FSIP1: variants seen among roughly 807,000 people sequenced by gnomAD.
The protein encoded by FSIP1 is fibrous sheath interacting protein 1.
Under a neutral mutation model 60.9 loss-of-function variants are expected in FSIP1, and 65 were observed. That is an observed-to-expected ratio of 1.07 (90% CI 0.87 to 1.31). The LOEUF (loss-of-function observed/expected upper bound fraction) is 1.31. Among genes scored for constraint, FSIP1 ranks in the 40% most tolerant of loss-of-function variants. The pLI is 0.00. For synonymous variants in FSIP1, 209 were observed against 221.2 expected, an observed-to-expected ratio of 0.94 and a Z score of 0.49; for missense variants, 675 against 665.5, an observed-to-expected ratio of 1.01 and a Z score of -0.16.
intron 2 of FSIP1, among the ~76,000 whole-genome samples, chr15:39,774,115 A>AGGAG: frequency 6.6e-6 from 1 of 152,352 alleles, no homozygotes; most frequent in South Asian, 2.1e-4. Flanking sequence ...AATTCTCCCC[A>AGGAG]AATTAATCTG....
chr15:39,622,492 G>A (rs1207407701), intron 10 of FSIP1, among the ~76,000 whole-genome samples: 1 of 152,156 alleles, frequency 6.6e-6, no homozygotes, highest in Non-Finnish European at 1.5e-5. Flanking sequence ...TAGTTCTGCT[G>A]CATCTTGCAT....
intron 10 of FSIP1, among the ~76,000 whole-genome samples, chr15:39,658,384 G>A (rs1893157437): frequency 6.6e-6 from 1 of 151,536 alleles, no homozygotes; most frequent in African/African-American, 2.4e-5. Flanking sequence ...TGAGTAGCTG[G>A]GATTACAGGT....
chr15:39,659,530 A>G (rs1893207624), intron 10 of FSIP1, among the ~76,000 whole-genome samples: 1 of 150,482 alleles, frequency 6.6e-6, no homozygotes, highest in Non-Finnish European at 1.5e-5. Flanking sequence ...TGACAGAGCA[A>G]GACTCCTCCT....
chr15:39,653,174 T>TCA (rs1555390082), intron 10 of FSIP1, among the ~76,000 whole-genome samples: 2 of 41,674 alleles, frequency 4.8e-5, no homozygotes, highest in Non-Finnish European at 1.5e-4. Context: ...AGACTTTGTC[T>TCA]CAAAAAAAAA....
At chr15:39,630,514 G>C (rs1891837611) in intron 10 of FSIP1, among the ~76,000 whole-genome samples, 1 of 152,230 alleles carries the variant, frequency 6.6e-6, no homozygotes, top group African/African-American at 2.4e-5. Flanking sequence ...TCATTAGTCA[G>C]TTGCACTGGG....
intron 10 of FSIP1, among the ~76,000 whole-genome samples, chr15:39,664,210 A>T (rs1893409088): frequency 6.6e-6 from 1 of 152,200 alleles, no homozygotes; most frequent in Non-Finnish European, 1.5e-5. Context: ...CTACTTAGAA[A>T]AGCAACTAAT....
At chr15:39,644,474 A>C (rs1193467536) in intron 10 of FSIP1, among the ~76,000 whole-genome samples, 1 of 152,150 alleles carries the variant, frequency 6.6e-6, no homozygotes, top group Non-Finnish European at 1.5e-5. Context: ...CAGCCCATTT[A>C]TCAGTCAAAC....
At chr15:39,662,146 T>A (rs1893319934) in intron 10 of FSIP1, among the ~76,000 whole-genome samples, 1 of 152,046 alleles carries the variant, frequency 6.6e-6, no homozygotes, top group Admixed American at 6.5e-5. Flanking sequence ...TTTCTGGCTA[T>A]AGTTGGAGTG....
At chr15:39,645,828 G>A (rs1231369345) in intron 10 of FSIP1, among the ~76,000 whole-genome samples, 1 of 152,248 alleles carries the variant, frequency 6.6e-6, no homozygotes, top group Non-Finnish European at 1.5e-5. Flanking sequence ...TCGGAGCGGG[G>A]TTGGGGCCGA....
intron 10 of FSIP1, among the ~76,000 whole-genome samples, chr15:39,645,125 G>A (rs1892537311): frequency 1.3e-5 from 2 of 152,200 alleles, no homozygotes; most frequent in African/African-American, 4.8e-5. Flanking sequence ...TTATCAAAAA[G>A]ACGAGATAAC....
chr15:39,662,160 G>A (rs1165490337), intron 10 of FSIP1, among the ~76,000 whole-genome samples: 2 of 152,072 alleles, frequency 1.3e-5, no homozygotes, highest in African/African-American at 4.8e-5. Context: ...TGGAGTGGGG[G>A]AAAGGGCTGT....
At chr15:39,705,997 CAA>C (rs35710055) in intron 10 of FSIP1, among the ~76,000 whole-genome samples, 19,725 of 115,600 alleles carry the variant, frequency 0.17, 1,523 homozygotes, top group African/African-American at 0.25. Context: ...GACTCGGTCT[CAA>C]AAAAAAAAAA....
chr15:39,767,972 G>T (rs1595401756), intron 3 of FSIP1, among the ~76,000 whole-genome samples: 1 of 152,214 alleles, frequency 6.6e-6, no homozygotes, highest in East Asian at 1.9e-4. Context: ...TCATTGAGCT[G>T]ATTAACACAA....
In FSIP1 at chr15:39,694,304, T is replaced by C. The variant is rs186695456; in HGVS notation, c.1188+19140A>G. The stretch of plus-strand genomic sequence containing the variant: ...GAATTCCCTAACTCAGTATCAAGAA[T>C]ATAGAAATCAGAATATCAAAGTTTT... On this transcript the variant is annotated intron_variant, in intron 10 of 11. Coordinates refer to ENST00000350221, the MANE Select transcript of FSIP1 (RefSeq NM_152597.5). Among the ~76,000 whole-genome samples the C allele has an allele frequency of 3.5e-3, 536 of 152,214 alleles. 3 individuals are homozygous for C. The highest frequency in any genetic ancestry group is 0.012 in the African/African-American group (510 of 41,530).
intron 10 of FSIP1, among the ~76,000 whole-genome samples, chr15:39,631,988 T>C (rs1891911150): frequency 6.6e-6 from 1 of 152,198 alleles, no homozygotes; most frequent in Admixed American, 6.5e-5. Flanking sequence ...TAGCACAAGC[T>C]CTGGCCTCTG....
At chr15:39,709,427 C>T (rs905074362) in intron 10 of FSIP1, among the ~76,000 whole-genome samples, 2 of 152,186 alleles carry the variant, frequency 1.3e-5, no homozygotes, top group Non-Finnish European at 2.9e-5. Context: ...TGTTACTAAA[C>T]TTTCAAAAGT....
intron 8 of FSIP1, 36 bp from the exon 9 acceptor site, chr15:39,726,783 G>C (rs781302211): frequency 6.3e-7 from 1 of 1,597,628 alleles, no homozygotes; most frequent in Non-Finnish European, 8.5e-7. Flanking sequence ...TCATTCTCAG[G>C]CTATATTTTT....
rs139752170 is a variant in FSIP1 at position 39,637,521 on chromosome 15, C to A, written c.1189-19276G>T. 6.8e-3 allele frequency among the ~76,000 whole-genome samples: 1,035 copies of A among 152,306 alleles called. 4 individuals carry two copies. The highest frequency in any genetic ancestry group is 0.011 in the Non-Finnish European group (744 of 68,022). ...CAGAGACAGGATGCGACTACTGGAA[C>A]TGCCACCACTGCCACTTCAGTAAAC... On this transcript the variant is annotated intron_variant, in intron 10 of 11. Coordinates refer to ENST00000350221, the MANE Select transcript of FSIP1 (RefSeq NM_152597.5).
chr15:39,748,306 A>T (rs1897060329), intron 5 of FSIP1, among the ~76,000 whole-genome samples: 1 of 152,234 alleles, frequency 6.6e-6, no homozygotes, highest in African/African-American at 2.4e-5. Context: ...AATCAAATAG[A>T]CAAGTAATAA....
Sources: allele counts gnomAD v4.1 joint callset (sites outside exome capture counted in the v4.1 genomes callset), GRCh38; gene constraint gnomAD v4.1.1; transcripts MANE v1.5; gene names NCBI Gene and HGNC (gene_info 2026-07-23, HGNC 2026-07-21).